HEATR5A: variants seen among roughly 807,000 people sequenced by gnomAD.
HEATR5A encodes the protein HEAT repeat containing 5A, also known as HEAT repeat-containing protein 5A.
HEATR5A carries 178 observed loss-of-function variants against 218.8 expected under a neutral mutation model. The observed-to-expected ratio is 0.81, with a 90% CI of 0.72 to 0.92. The LOEUF is 0.92. Ranked by LOEUF, HEATR5A falls within the 40% of genes least tolerant of loss-of-function variation. The pLI is 0.00. For missense variants in HEATR5A, 2,420 were observed against 2,418.9 expected (o/e 1.00, Z -0.01); for synonymous variants, 864 against 871.6 (o/e 0.99, Z 0.15).
intron 16 of HEATR5A, among the ~76,000 whole-genome samples, chr14:31,357,304 T>C (rs1482797146): frequency 2.0e-5 from 3 of 152,204 alleles, no homozygotes; most frequent in African/African-American, 7.2e-5. Flanking sequence ...GGTGATGAAA[T>C]TAAAATATTT....
chr14:31,300,380 C>T (rs1264885122), intron 33 of HEATR5A, among the ~76,000 whole-genome samples: 2 of 151,946 alleles, frequency 1.3e-5, no homozygotes, highest in South Asian at 2.1e-4. Context: ...CTCTACCTCC[C>T]GGGTTCAAGC....
chr14:31,384,916 T>G (rs1055736976), intron 9 of HEATR5A, among the ~76,000 whole-genome samples: 4 of 152,154 alleles, frequency 2.6e-5, no homozygotes, highest in Non-Finnish European at 4.4e-5. Context: ...AGTGGGCTAC[T>G]AACCAACTAA....
intron 7 of HEATR5A, among the ~76,000 whole-genome samples, chr14:31,387,681 T>C (rs2030286068): frequency 6.6e-6 from 1 of 151,774 alleles, no homozygotes; most frequent in Non-Finnish European, 1.5e-5. Flanking sequence ...TGCCTCAACC[T>C]CTCGAGTAGC....
At chr14:31,327,118 G>A (rs2038401546) in intron 22 of HEATR5A, among the ~76,000 whole-genome samples, 1 of 151,614 alleles carries the variant, frequency 6.6e-6, no homozygotes, top group South Asian at 2.1e-4. Flanking sequence ...GGGACTACAG[G>A]TGCCTGCCAC....
chr14:31,320,613 G>C, intron 25 of HEATR5A: 1 of 723,984 alleles, frequency 1.4e-6, no homozygotes, highest in South Asian at 1.4e-5. Flanking sequence ...GGAGAAATGA[G>C]TAATACCCCG....
At chr14:31,300,077 A>G (rs1373885103) in intron 33 of HEATR5A, among the ~76,000 whole-genome samples, 1 of 152,066 alleles carries the variant, frequency 6.6e-6, no homozygotes, top group Non-Finnish European at 1.5e-5. Flanking sequence ...CCACATGCCT[A>G]TTAAAGGCAG....
At chr14:31,372,594 TGAG>T (rs538594121) in intron 12 of HEATR5A, among the ~76,000 whole-genome samples, 117 of 152,268 alleles carry the variant, frequency 7.7e-4, no homozygotes, top group South Asian at 1.9e-3. Flanking sequence ...TTTGGGAGGC[TGAG>T]GAGGGCAGAT....
intron 22 of HEATR5A, among the ~76,000 whole-genome samples, chr14:31,327,574 A>G (rs1205500663): frequency 6.6e-6 from 1 of 151,846 alleles, no homozygotes; most frequent in Non-Finnish European, 1.5e-5. Context: ...TATAGGCATG[A>G]GCCACCACGC....
chr14:31,311,863 G>A (rs1184129884), intron 28 of HEATR5A, among the ~76,000 whole-genome samples: 2 of 152,128 alleles, frequency 1.3e-5, no homozygotes, highest in East Asian at 1.9e-4. Context: ...AGACAAGGGG[G>A]TTTTTATATC....
chr14:31,323,393 C>T (rs1900169754), intron 24 of HEATR5A, among the ~76,000 whole-genome samples, 172 bp downstream of exon 24: 1 of 152,066 alleles, frequency 6.6e-6, no homozygotes, highest in African/African-American at 2.4e-5. Flanking sequence ...AACTCCTGGG[C>T]TCAAGTGATC....
intron 14 of HEATR5A, among the ~76,000 whole-genome samples, chr14:31,362,786 A>AC: frequency 6.6e-6 from 1 of 151,610 alleles, no homozygotes; most frequent in Admixed American, 6.6e-5. Flanking sequence ...TCAAAAAAAA[A>AC]AACAAAAAAA....
chr14:31,364,145 A>T (rs1190734223), intron 14 of HEATR5A, 44 bp downstream of exon 14: 1 of 784,652 alleles, frequency 1.3e-6, no homozygotes, highest in East Asian at 2.7e-5. Context: ...TCCAGAAACC[A>T]TACTAGCCAC....
chr14:31,339,310 C>G (rs763644862), intron 21 of HEATR5A, among the ~76,000 whole-genome samples: 1 of 150,986 alleles, frequency 6.6e-6, no homozygotes, highest in African/African-American at 2.4e-5. Context: ...ATTAGCTGGG[C>G]GTGGTGGCAC....
intron 4 of HEATR5A, among the ~76,000 whole-genome samples, chr14:31,397,002 A>G (rs2030679323): frequency 6.6e-6 from 1 of 152,224 alleles, no homozygotes. Flanking sequence ...TCTGCTTTTA[A>G]ATAAAACCAG....
rs991690907 is a variant in HEATR5A at position 31,402,997 on chromosome 14, C to G, written c.-22G>C. ...CCATTCCTTGCAGCAATCCTCCCAG[C>G]TGATCACAGTTCTTCTCGTTAAACT... On this transcript the variant is annotated 5_prime_UTR_variant, in exon 2 of 36. Coordinates refer to ENST00000543095, the MANE Select transcript of HEATR5A (RefSeq NM_015473.4). The G allele has an allele frequency of 1.3e-6, 2 of 1,532,154 alleles. No homozygotes were observed. The highest frequency in any genetic ancestry group is 1.7e-6 in the Non-Finnish European group (2 of 1,144,552). The allele number at this position is 1,532,154 out of a possible 1,614,324, so 94.9% of individuals were successfully genotyped here. A position where few individuals can be genotyped will look rare whatever the true frequency, so the allele number is the denominator to read the frequency against.
intron 28 of HEATR5A, among the ~76,000 whole-genome samples, chr14:31,311,553 A>T (rs1348414833): frequency 6.6e-6 from 1 of 152,046 alleles, no homozygotes; most frequent in Non-Finnish European, 1.5e-5. Flanking sequence ...CTGGGACTAT[A>T]GGTGTACTAC....
intron 3 of HEATR5A, among the ~76,000 whole-genome samples, chr14:31,399,886 G>T (rs1430908310): frequency 6.6e-6 from 1 of 152,112 alleles, no homozygotes; most frequent in African/African-American, 2.4e-5. Flanking sequence ...GATAATAGGT[G>T]ATAAAATGAA....
rs142322793 is a variant in HEATR5A at position 31,345,056 on chromosome 14, T to G, written c.3058+31A>C. 2.2e-3 allele frequency: 3,491 copies of G among 1,561,642 alleles called. 28 individuals are homozygous for G. Among genetic ancestry groups the G allele is most frequent in the Non-Finnish European group, 2.2e-3 (2,576 of 1,149,836 alleles). ...TCACTTTTATGTGTATTATTTTTAA[T>G]GTAAAACATCACAAAAGCAGCTATG... On this transcript the variant is annotated intron_variant, in intron 20 of 35. Coordinates refer to ENST00000543095, the MANE Select transcript of HEATR5A (RefSeq NM_015473.4).
At chr14:31,319,162 C>A (rs552388943) in intron 25 of HEATR5A, among the ~76,000 whole-genome samples, 1 of 151,082 alleles carries the variant, frequency 6.6e-6, no homozygotes, top group South Asian at 2.1e-4. Flanking sequence ...TCTTTTTTTT[C>A]TTTTTTTGAG....
Sources: gnomAD v4.1 joint callset for allele counts (sites outside exome capture counted in the v4.1 genomes callset) on GRCh38, gnomAD v4.1.1 for gene constraint, MANE v1.5 for transcripts, NCBI Gene and HGNC (gene_info 2026-07-23, HGNC 2026-07-21) for gene names.